NWD2: variants seen among roughly 807,000 people sequenced by gnomAD.
The protein encoded by NWD2 is NACHT and WD repeat domain-containing protein 2.
NWD2 carries 37 observed loss-of-function variants against 132.7 expected under a neutral mutation model. The observed-to-expected ratio is 0.28, with a 90% CI of 0.21 to 0.37. NWD2 has a LOEUF of 0.37. Ranked by LOEUF, NWD2 falls within the 10% of genes least tolerant of loss-of-function variation. NWD2 has a pLI of 1.00. For missense variants in NWD2, 1,592 were observed against 2,122.4 expected (o/e 0.75, Z 4.91); for synonymous variants, 705 against 803.0 (o/e 0.88, Z 2.06).
chr4:37,347,024 A>G lies in NWD2; in HGVS notation c.241-9342A>G, dbSNP rs140858950. ...ATAAATTTTAGTATATTGTACCTTT[A>G]TTTTCATTCATCTCAAAGTATCCCT... On this transcript the variant is annotated intron_variant, in intron 2 of 6. Coordinates refer to ENST00000309447, the MANE Select transcript of NWD2 (RefSeq NM_001144990.2). Among the ~76,000 whole-genome samples the G allele has an allele frequency of 3.2e-4, 48 of 152,010 alleles. No homozygotes were observed. The East Asian group carries it at 6.9e-3, about 22-fold the overall frequency.
chr4:37,383,197 T>C (rs112676703), intron 3 of NWD2, among the ~76,000 whole-genome samples: 2 of 152,224 alleles, frequency 1.3e-5, no homozygotes, highest in African/African-American at 4.8e-5. Flanking sequence ...AATTTAACCT[T>C]AACTTGGTTT....
At chr4:37,309,952 A>T (rs113468294) in intron 1 of NWD2, among the ~76,000 whole-genome samples, 1 of 152,308 alleles carries the variant, frequency 6.6e-6, no homozygotes, top group African/African-American at 2.4e-5. Flanking sequence ...AGCTATCTTG[A>T]TAACATCTTT....
chr4:37,306,628 C>T (rs1342772729), intron 1 of NWD2, among the ~76,000 whole-genome samples: 1 of 151,954 alleles, frequency 6.6e-6, no homozygotes, highest in Non-Finnish European at 1.5e-5. Context: ...TTGTTGATTT[C>T]TAGTTATATA....
chr4:37,335,572 G>T (rs1199113507), intron 2 of NWD2, among the ~76,000 whole-genome samples: 1 of 152,056 alleles, frequency 6.6e-6, no homozygotes, highest in Non-Finnish European at 1.5e-5. Flanking sequence ...CCTGCTAGAA[G>T]CTGGGCCACA....
intron 1 of NWD2, among the ~76,000 whole-genome samples, chr4:37,279,145 CTTTA>C (rs1328609198): frequency 2.0e-5 from 3 of 152,064 alleles, no homozygotes; most frequent in African/African-American, 4.8e-5. Flanking sequence ...TGGCAAGTTC[CTTTA>C]TTTATTCACC....
chr4:37,434,876 C>T (rs1426482441), intron 5 of NWD2, among the ~76,000 whole-genome samples: 9 of 149,868 alleles, frequency 6.0e-5, no homozygotes, highest in African/African-American at 1.5e-4. Flanking sequence ...TTATTCTGGG[C>T]GAGATGGGAA....
intron 1 of NWD2, among the ~76,000 whole-genome samples, chr4:37,281,864 T>C (rs780568281): frequency 6.6e-5 from 10 of 152,182 alleles, no homozygotes; most frequent in Admixed American, 1.3e-4. Context: ...CAGTTATAAA[T>C]AATTTAATCT....
chr4:37,304,974 C>A (rs1718679047), intron 1 of NWD2, among the ~76,000 whole-genome samples: 1 of 152,332 alleles, frequency 6.6e-6, no homozygotes, highest in Non-Finnish European at 1.5e-5. Flanking sequence ...GAGGGCCCCA[C>A]TCCTGCAGCA....
At chr4:37,414,541 C>G (rs1163996077) in intron 3 of NWD2, among the ~76,000 whole-genome samples, 1 of 151,864 alleles carries the variant, frequency 6.6e-6, no homozygotes, top group African/African-American at 2.4e-5. Context: ...TAACAAGACT[C>G]TGCTAAAGCC....
chr4:37,280,756 A>T (rs561701903), intron 1 of NWD2, among the ~76,000 whole-genome samples: 24 of 152,154 alleles, frequency 1.6e-4, no homozygotes, highest in Non-Finnish European at 3.2e-4. Flanking sequence ...GGCTAACAAT[A>T]GTAGAATTGT....
chr4:37,317,497 T>G (rs149408551), intron 1 of NWD2, among the ~76,000 whole-genome samples: 2 of 152,334 alleles, frequency 1.3e-5, no homozygotes, highest in Non-Finnish European at 2.9e-5. Flanking sequence ...CCTAATCAAG[T>G]TAAACTTCTC....
intron 1 of NWD2, among the ~76,000 whole-genome samples, chr4:37,289,631 G>A (rs191545455): frequency 2.6e-5 from 4 of 152,076 alleles, no homozygotes; most frequent in Admixed American, 1.3e-4. Flanking sequence ...ATTTGTTTAC[G>A]GTTCTCTTCA....
rs1369023931 is a variant in NWD2 at position 37,446,039 on chromosome 4, G to A, written c.4051G>A (p.Glu1351Lys). ...HKWNFSSGFI[E>K]AVFKHEGIVE... Reference sequence around the variant, plus strand: ...GTGGAACTTCAGCAGTGGCTTCATCGAAGCAGTATTCAAGCATGAAGGAAT... The same window carrying A: ...GTGGAACTTCAGCAGTGGCTTCATCAAAGCAGTATTCAAGCATGAAGGAAT... The change falls in exon 7 of 7, where the codon GAA (glutamate) becomes AAA (lysine). Residue 1351 changes from glutamate to lysine, a missense_variant. Around this residue, in one of 7 missense-constraint regions of NWD2, gnomAD observed 1,071 missense variants for 1,398.0 expected, o/e 0.77. Transcript: ENST00000309447. The surrounding 1 kb of genome is among the most constrained non-coding windows in gnomAD (Gnocchi z 6.7). 9.0e-6 allele frequency: 14 copies of A among 1,551,620 alleles called. No individual in the cohort carries two copies. The highest frequency in any genetic ancestry group is 1.2e-5 in the Non-Finnish European group (14 of 1,146,984).
chr4:37,419,671 G>A (rs1168060571), intron 3 of NWD2, among the ~76,000 whole-genome samples: 1 of 152,112 alleles, frequency 6.6e-6, no homozygotes, highest in Non-Finnish European at 1.5e-5. Flanking sequence ...GTCAAACTGG[G>A]TTGTTTATTC....
At chr4:37,351,528 G>A (rs1015674784) in intron 2 of NWD2, among the ~76,000 whole-genome samples, 6 of 151,948 alleles carry the variant, frequency 3.9e-5, no homozygotes, top group Admixed American at 6.6e-5. Context: ...TGTTGATATC[G>A]CCTTTATCAT....
At chr4:37,367,380 AATCC>A (rs1720123550) in intron 3 of NWD2, among the ~76,000 whole-genome samples, 1 of 152,176 alleles carries the variant, frequency 6.6e-6, no homozygotes, top group South Asian at 2.1e-4. Flanking sequence ...AAAAAACAGA[AATCC>A]ATTATTTGAA....
chr4:37,316,309 A>G (rs973552766), intron 1 of NWD2, among the ~76,000 whole-genome samples: 14 of 151,854 alleles, frequency 9.2e-5, no homozygotes, highest in African/African-American at 3.4e-4. Context: ...ATGTTGTTCT[A>G]TTGCCTTCTG....
At chr4:37,389,849 C>T (rs761267447) in intron 3 of NWD2, among the ~76,000 whole-genome samples, 20 of 151,906 alleles carry the variant, frequency 1.3e-4, no homozygotes, top group Non-Finnish European at 2.6e-4. Flanking sequence ...GGCACAGTCT[C>T]GGCTCACTGC....
intron 3 of NWD2, among the ~76,000 whole-genome samples, chr4:37,403,491 T>C (rs1720937351): frequency 6.6e-6 from 1 of 152,052 alleles, no homozygotes; most frequent in Non-Finnish European, 1.5e-5. Flanking sequence ...GGAAACAAAC[T>C]CCTAGGAGTC....
Sources: gnomAD v4.1 joint callset for allele counts (sites outside exome capture counted in the v4.1 genomes callset) on GRCh38, gnomAD v4.1.1 for gene constraint, gnomAD v4.1.1 regional missense constraint, Gnocchi (gnomAD v3.1) non-coding constraint, MANE v1.5 for transcripts, NCBI Gene and HGNC (gene_info 2026-07-23, HGNC 2026-07-21) for gene names.